KIF13A: variants seen among roughly 807,000 people sequenced by gnomAD.
The protein encoded by KIF13A is kinesin family member 13A.
A neutral mutation model predicts 212.2 loss-of-function variants in KIF13A; 79 were observed. The observed-to-expected ratio is 0.37, with a 90% CI of 0.31 to 0.45. The LOEUF (loss-of-function observed/expected upper bound fraction) is 0.45. KIF13A is among the 20% of genes least tolerant of loss of function. KIF13A has a pLI of 1.00. For synonymous variants in KIF13A, 789 were observed against 808.6 expected (o/e 0.98, Z 0.41); for missense variants, 1,901 against 2,209.0 (o/e 0.86, Z 2.79).
rs182845252 is a variant in KIF13A, at chr6:17,763,739, C to T, written c.*371G>A. Reference sequence around the variant, plus strand: ...TTGGCAGTATTTTTTCTTAATGATACATAAAATAATGGTTCATATAATAAT... The same window carrying T: ...TTGGCAGTATTTTTTCTTAATGATATATAAAATAATGGTTCATATAATAAT... On this transcript the variant is annotated 3_prime_UTR_variant, in exon 39 of 39. Transcript: ENST00000259711. 7.3e-6 allele frequency: 5 copies of T among 681,266 alleles called. No individual in the cohort carries two copies. The highest frequency in any genetic ancestry group is 3.9e-5 in the African/African-American group (2 of 51,538). The allele number at this position is 681,266 out of a possible 1,614,324, so 42.2% of individuals were successfully genotyped here.
chr6:17,861,916 G>T (rs890239409), intron 4 of KIF13A, among the ~76,000 whole-genome samples: 2 of 152,022 alleles, frequency 1.3e-5, no homozygotes, highest in African/African-American at 4.8e-5. Context: ...TTTCCTTCAT[G>T]ATTTCTGCCT....
intron 9 of KIF13A, among the ~76,000 whole-genome samples, chr6:17,848,942 T>C (rs553574025): frequency 2.6e-5 from 4 of 151,838 alleles, no homozygotes; most frequent in Non-Finnish European, 5.9e-5. Flanking sequence ...TCCTTTGAGA[T>C]AGTCTCACTC....
At position 17,825,932 on chromosome 6, in the gene KIF13A, A is replaced by G. The variant is rs754033269; in HGVS notation, c.1622T>C (p.Ile541Thr). ...ILWGNNHFFR[I>T]NLPKRKRRDW... The stretch of plus-strand genomic sequence containing the variant: ...TCGACGTTTCCTCTTAGGTAAGTTT[A>G]TTCTGTGGGGTTTTTCACCATTAGA... The change falls in exon 16 of 39, where the codon ATA (isoleucine) becomes ACA (threonine). Residue 541 changes from isoleucine to threonine, a missense_variant and splice_region_variant. By Grantham distance (89) the Ile-to-Thr change is moderately conservative. Coordinates refer to ENST00000259711, the MANE Select transcript of KIF13A (RefSeq NM_022113.6). The surrounding 1 kb of genome is among the most constrained non-coding windows in gnomAD (Gnocchi z 4.5). The G allele has an allele frequency of 6.2e-7, 1 of 1,613,766 alleles. No homozygotes were observed. The highest frequency in any genetic ancestry group is 1.1e-5 in the South Asian group (1 of 91,056).
intron 11 of KIF13A, among the ~76,000 whole-genome samples, chr6:17,835,080 G>T (rs1383840753): frequency 6.6e-6 from 1 of 151,600 alleles, no homozygotes; most frequent in Non-Finnish European, 1.5e-5. Context: ...TAGCTACTTG[G>T]GAGGCTGAGG....
rs368054209 is a variant in KIF13A at position 17,872,629 on chromosome 6, C to T, written c.220+748G>A. Among the ~76,000 whole-genome samples the T allele has an allele frequency of 1.3e-3, 204 of 152,188 alleles. 1 individual carries two copies. Among genetic ancestry groups the T allele is most frequent in the African/African-American group, 4.6e-3 (190 of 41,484 alleles). Reference sequence around the variant, plus strand: ...GATAAATATATGCAACTTTCATTTGCCAGTTAGAAAAATAATTTTTTTTTA... The same window carrying T: ...GATAAATATATGCAACTTTCATTTGTCAGTTAGAAAAATAATTTTTTTTTA... On this transcript the variant is annotated intron_variant, in intron 4 of 38. Coordinates refer to ENST00000259711, the MANE Select transcript of KIF13A (RefSeq NM_022113.6). This position sits in a 1 kb window ranked among gnomAD's most constrained non-coding sequence, Gnocchi z 4.7.
chr6:17,813,864 A>G (rs1245221124), intron 17 of KIF13A, among the ~76,000 whole-genome samples: 14 of 151,718 alleles, frequency 9.2e-5, no homozygotes, highest in Admixed American at 9.2e-4. Context: ...TAAAGGCAGT[A>G]GCAGTTGTGA....
In KIF13A at chr6:17,963,866, T is replaced by C. The variant is rs1234116254; in HGVS notation, c.146+23188A>G. ...CACCATGCCTGGCCAATATGTTCTA[T>C]ATCTTAATGGTGATAGTGGTTAATC... On this transcript the variant is annotated intron_variant, in intron 2 of 38. Coordinates refer to ENST00000259711, the MANE Select transcript of KIF13A (RefSeq NM_022113.6). The surrounding 1 kb of genome is among the most constrained non-coding windows in gnomAD (Gnocchi z 4.1). Among the ~76,000 whole-genome samples the C allele has an allele frequency of 1.3e-5, 2 of 152,206 alleles. No homozygotes were observed. The highest frequency in any genetic ancestry group is 2.9e-5 in the Non-Finnish European group (2 of 68,030).
chr6:17,864,116 G>C (rs1030938880), intron 4 of KIF13A, among the ~76,000 whole-genome samples: 43 of 152,160 alleles, frequency 2.8e-4, no homozygotes, highest in African/African-American at 1.0e-3. Context: ...GAGGATCTAT[G>C]AGTATTTGTT....
At chr6:17,925,574 C>T (rs554348976) in intron 2 of KIF13A, among the ~76,000 whole-genome samples, 1 of 152,288 alleles carries the variant, frequency 6.6e-6, no homozygotes, top group South Asian at 2.1e-4. Context: ...ATCTAGCAGA[C>T]AACTCACAAG....
intron 3 of KIF13A, among the ~76,000 whole-genome samples, chr6:17,877,123 G>A (rs1171173486): frequency 2.7e-5 from 3 of 113,024 alleles, no homozygotes; most frequent in African/African-American, 7.1e-5. Flanking sequence ...TAAGTTATAC[G>A]CAATGTTCTC....
Position 17,817,017 on chromosome 6 carries a change from T to C in KIF13A, c.2000+3A>G. ...TCTGGGCTGCCCCCGCTGCAGTTCT[T>C]ACCTCTCTTCTGCCCACTGGGTCAC... On this transcript the variant is annotated splice_donor_region_variant and intron_variant, in intron 17 of 38. Coordinates refer to ENST00000259711, the MANE Select transcript of KIF13A (RefSeq NM_022113.6). 1 of 1,608,814 alleles carries C rather than the reference T, an allele frequency of 6.2e-7. No individual in the cohort carries two copies. Among genetic ancestry groups the C allele is most frequent in the Non-Finnish European group, 8.5e-7 (1 of 1,178,450 alleles).
At chr6:17,921,490 T>G (rs1455864804) in intron 2 of KIF13A, among the ~76,000 whole-genome samples, 1 of 152,252 alleles carries the variant, frequency 6.6e-6, no homozygotes, top group Non-Finnish European at 1.5e-5. Context: ...AACCCCTTAG[T>G]ACAATCTTTC....
intron 20 of KIF13A, among the ~76,000 whole-genome samples, chr6:17,802,940 T>G (rs1320767294): frequency 2.2e-5 from 3 of 138,920 alleles, no homozygotes; most frequent in Non-Finnish European, 4.8e-5. Flanking sequence ...TTGTTTTTTT[T>G]TGTTTTGTTT....
chr6:17,774,917 C>A, intron 35 of KIF13A, 98 bp downstream of exon 35: 1 of 794,624 alleles, frequency 1.3e-6, no homozygotes, highest in Non-Finnish European at 2.0e-6. Flanking sequence ...CTGACAGGAT[C>A]AACCAGGTGA....
In KIF13A at chr6:17,918,293, T is replaced by C. The variant is rs1376714054; in HGVS notation, c.147-20113A>G. Among the ~76,000 whole-genome samples, 1 of 152,112 alleles carries C rather than the reference T, an allele frequency of 6.6e-6. No individual in the cohort carries two copies. Among genetic ancestry groups the C allele is most frequent in the African/African-American group, 2.4e-5 (1 of 41,422 alleles). On this transcript the variant is annotated intron_variant, in intron 2 of 38. Transcript: ENST00000259711. This position sits in a 1 kb window ranked among gnomAD's most constrained non-coding sequence, Gnocchi z 4.8. Reference sequence around the variant, plus strand: ...GATAAATGTTTACTGAATAAATACATACATGCATAAAAAATAGTCTCAGAA... The same window carrying C: ...GATAAATGTTTACTGAATAAATACACACATGCATAAAAAATAGTCTCAGAA...
rs1243063428 is a variant in KIF13A at position 17,816,073 on chromosome 6, A to G, written c.2000+947T>C. ...CAGGCGCCTGCCACCATGCGCTGCTATTTTTTCTTTTTTTTCTGTATTTTT... is the reference window on the plus strand; with the variant it reads ...CAGGCGCCTGCCACCATGCGCTGCTGTTTTTTCTTTTTTTTCTGTATTTTT... On this transcript the variant is annotated intron_variant, in intron 17 of 38. Transcript: ENST00000259711. The surrounding 1 kb of genome is among the most constrained non-coding windows in gnomAD (Gnocchi z 4.3). Among the ~76,000 whole-genome samples, 1 of 150,730 alleles carries G rather than the reference A, an allele frequency of 6.6e-6. No individual in the cohort carries two copies. The highest frequency in any genetic ancestry group is 1.5e-5 in the Non-Finnish European group (1 of 67,752).
At chr6:17,760,721 G>A (rs1008577193), downstream of KIF13A, 14 of 835,376 alleles carry the variant, frequency 1.7e-5, no homozygotes, top group Middle Eastern at 3.2e-4. Context: ...GGAAGTGCAC[G>A]GTGTGGATTC....
intron 3 of KIF13A, among the ~76,000 whole-genome samples, chr6:17,893,722 A>T (rs1230196303): frequency 6.6e-6 from 1 of 151,764 alleles, no homozygotes; most frequent in African/African-American, 2.4e-5. Context: ...TAGATTTCTC[A>T]TGGGCCTTTT....
At chr6:17,775,088 A>G (rs745751195) in intron 34 of KIF13A, 26 bp from the exon 35 acceptor site, 9 of 1,591,098 alleles carry the variant, frequency 5.7e-6, no homozygotes, top group East Asian at 2.3e-5. Flanking sequence ...GGTTTTAGCA[A>G]TGTGGTTTAT....
Sources: gnomAD v4.1 joint callset for allele counts (sites outside exome capture counted in the v4.1 genomes callset) on GRCh38, gnomAD v4.1.1 for gene constraint, Gnocchi (gnomAD v3.1) non-coding constraint, MANE v1.5 for transcripts, NCBI Gene and HGNC (gene_info 2026-07-23, HGNC 2026-07-21) for gene names.